FEZ2: variants seen among roughly 807,000 people sequenced by gnomAD.
FEZ2 encodes the protein fasciculation and elongation protein zeta 2.
A neutral mutation model predicts 40.4 loss-of-function variants in FEZ2; 51 were observed. The ratio of observed to expected loss-of-function variants is 1.26; its 90% CI spans 1.01 to 1.59. The LOEUF is 1.59. Among genes scored for constraint, FEZ2 ranks in the 40% most tolerant of loss-of-function variants. FEZ2 has a pLI of 0.00. For missense variants in FEZ2, 640 were observed against 438.3 expected (o/e 1.46, Z -4.11); for synonymous variants, 242 against 172.0 (o/e 1.41, Z -3.18).
intron 2 of FEZ2, chr2:36,590,139 G>T (rs980527012): frequency 6.6e-6 from 1 of 152,108 alleles, no homozygotes; most frequent in African/African-American, 2.4e-5. Flanking sequence ...ATGTACACAG[G>T]AGACCCCAAG....
intron 6 of FEZ2, chr2:36,557,547 C>G (rs960484233): frequency 2.6e-5 from 4 of 152,144 alleles, no homozygotes; most frequent in African/African-American, 9.7e-5. Flanking sequence ...TTGGTTCCCC[C>G]CTAATTAGCA....
At chr2:36,595,824 A>T (rs539407508) in intron 1 of FEZ2, among the ~76,000 whole-genome samples, 29 of 152,342 alleles carry the variant, frequency 1.9e-4, no homozygotes, top group Admixed American at 2.6e-4. Flanking sequence ...CATTACCACC[A>T]ACATATCATC....
At chr2:36,565,080 C>T (rs185515147) in intron 5 of FEZ2, among the ~76,000 whole-genome samples, 41 of 152,312 alleles carry the variant, frequency 2.7e-4, no homozygotes, top group Admixed American at 1.8e-3. Context: ...TGTTTGCCCT[C>T]GTCAACAATC....
At chr2:36,561,760 G>A (rs994842010) in intron 5 of FEZ2, among the ~76,000 whole-genome samples, 1 of 152,146 alleles carries the variant, frequency 6.6e-6, no homozygotes, top group Non-Finnish European at 1.5e-5. Flanking sequence ...CTCACTTGAT[G>A]GTTCCTTCCC....
At position 36,555,673 on chromosome 2, in the gene FEZ2, T is replaced by A; in HGVS notation, c.1045+10A>T. On this transcript the variant is annotated intron_variant, in intron 7 of 7. Coordinates refer to ENST00000405912, the MANE Select transcript of FEZ2 (RefSeq NM_005102.3). ...CCCAGCCATCGCACCTATACCATTA[T>A]AAAACTCACCTTTCAGAATATAATC... The A allele has an allele frequency of 9.0e-6, 14 of 1,556,876 alleles. No individual in the cohort carries two copies. The highest frequency in any genetic ancestry group is 1.2e-5 in the Non-Finnish European group (14 of 1,140,756).
intron 1 of FEZ2, among the ~76,000 whole-genome samples, chr2:36,596,305 T>C (rs1669220346): frequency 6.6e-6 from 1 of 152,232 alleles, no homozygotes; most frequent in South Asian, 2.1e-4. Flanking sequence ...TCCTACCTTA[T>C]TCCTGATAAA....
At chr2:36,592,293 C>T (rs537179206) in intron 1 of FEZ2, among the ~76,000 whole-genome samples, 2 of 151,806 alleles carry the variant, frequency 1.3e-5, no homozygotes, top group African/African-American at 4.8e-5. Context: ...TTTTAAGTTC[C>T]GGGGTACATG....
chr2:36,591,003 T>C lies in FEZ2; in HGVS notation c.275A>G (p.Asn92Ser). Residue 92 changes from asparagine to serine, a missense_variant, in exon 2 of 8, where the codon AAT becomes AGT. Coordinates refer to ENST00000405912, the MANE Select transcript of FEZ2 (RefSeq NM_005102.3). ...ATTCCCATAATTATCTGTCAGGGCATTCCAAATCCTTAAAAAGAAGAAAGC... is the reference window on the plus strand; with the variant it reads ...ATTCCCATAATTATCTGTCAGGGCACTCCAAATCCTTAAAAAGAAGAAAGC... ...RSLLQGDEIWNALTDNYGNVM... is the reference protein window; with the variant it reads ...RSLLQGDEIWSALTDNYGNVM... 1 of 1,592,562 alleles carries C rather than the reference T, an allele frequency of 6.3e-7. No homozygotes were observed. Among genetic ancestry groups the C allele is most frequent in the Non-Finnish European group, 8.6e-7 (1 of 1,160,426 alleles).
At chr2:36,582,943 A>G (rs1668794819) in intron 3 of FEZ2, among the ~76,000 whole-genome samples, 1 of 152,238 alleles carries the variant, frequency 6.6e-6, no homozygotes, top group Non-Finnish European at 1.5e-5. Context: ...TCTGGGGCAC[A>G]CAATATGTTA....
In FEZ2 at chr2:36,581,280, G is replaced by C. The variant is rs563689370; in HGVS notation, c.634+10C>G. Reference sequence around the variant, plus strand: ...GCACAGAAATCATTGATTTCAGCAGGCTCCCTTACTCTCTTCATAACTGCC... The same window carrying C: ...GCACAGAAATCATTGATTTCAGCAGCCTCCCTTACTCTCTTCATAACTGCC... On this transcript the variant is annotated intron_variant, in intron 4 of 7. Coordinates refer to ENST00000405912, the MANE Select transcript of FEZ2 (RefSeq NM_005102.3). 2.5e-6 allele frequency: 4 copies of C among 1,608,892 alleles called. No individual in the cohort carries two copies. In the South Asian group the frequency reaches 3.3e-5, roughly 13 times the overall value.
At chr2:36,557,240 CTG>C (rs1032125134) in intron 6 of FEZ2, 68 of 152,292 alleles carry the variant, frequency 4.5e-4, no homozygotes, top group African/African-American at 1.6e-3. Context: ...AACCATCCCC[CTG>C]TGTGATCTTG....
intron 2 of FEZ2, among the ~76,000 whole-genome samples, chr2:36,584,890 A>G (rs141987952): frequency 7.2e-5 from 11 of 152,302 alleles, no homozygotes; most frequent in African/African-American, 2.4e-4. Flanking sequence ...TGACTTTCCA[A>G]CATTAGGCTG....
At chr2:36,582,476 G>A (rs995027276) in intron 3 of FEZ2, among the ~76,000 whole-genome samples, 3 of 152,104 alleles carry the variant, frequency 2.0e-5, no homozygotes, top group East Asian at 3.9e-4. Flanking sequence ...GAGAGTTTAC[G>A]GTATTAGGCA....
In FEZ2 at chr2:36,552,570, G is replaced by T. The variant is rs1372325656; in HGVS notation, c.*593C>A. 4.5e-5 allele frequency: 11 copies of T among 242,066 alleles called. No individual in the cohort carries two copies. The highest frequency in any genetic ancestry group is 9.0e-5 in the Non-Finnish European group (11 of 122,134). 15.0% of individuals were successfully genotyped at this position (242,066 alleles called of 1,614,324 possible). A position where few individuals can be genotyped will look rare whatever the true frequency, so the allele number is the denominator to read the frequency against. ...ATTTAATGGTTAAAATTTGACCAGTGGTGAAACAAGCAGCAAGCTACAAAA... is the reference window on the plus strand; with the variant it reads ...ATTTAATGGTTAAAATTTGACCAGTTGTGAAACAAGCAGCAAGCTACAAAA... On this transcript the variant is annotated 3_prime_UTR_variant, in exon 8 of 8. Transcript: ENST00000405912.
Position 36,595,580 on chromosome 2 carries a change from G to A in FEZ2, c.266+2297C>T, listed in dbSNP as rs745425230. On this transcript the variant is annotated intron_variant, in intron 1 of 7. Coordinates refer to ENST00000405912, the MANE Select transcript of FEZ2 (RefSeq NM_005102.3). ...TCAGCCACTCACCTCCTGTAGTGTG[G>A]CCCAGTTCCAGTACCGGTCTGTGGA... Among the ~76,000 whole-genome samples the A allele has an allele frequency of 2.6e-5, 4 of 152,250 alleles. No homozygotes were observed. In the South Asian group the frequency reaches 8.3e-4, roughly 32 times the overall value.
chr2:36,569,096 A>G (rs1196181352), intron 5 of FEZ2, among the ~76,000 whole-genome samples: 1 of 152,210 alleles, frequency 6.6e-6, no homozygotes, highest in Non-Finnish European at 1.5e-5. Flanking sequence ...GTCCCTGTTA[A>G]GCTTTTGTTT....
At chr2:36,557,232 C>T (rs1358317833) in intron 6 of FEZ2, 2 of 152,156 alleles carry the variant, frequency 1.3e-5, no homozygotes, top group African/African-American at 4.8e-5. Flanking sequence ...CTGTAACTAA[C>T]CATCCCCCTG....
chr2:36,554,285 TA>T (rs1399753779), intron 7 of FEZ2: 6 of 471,130 alleles, frequency 1.3e-5, no homozygotes, highest in Non-Finnish European at 2.6e-5. Flanking sequence ...AGTAAAGAAT[TA>T]AAAATCATTT....
At chr2:36,560,860 G>A (rs2125221058) in intron 5 of FEZ2, 1 of 1,607,250 alleles carries the variant, frequency 6.2e-7, no homozygotes, top group East Asian at 2.2e-5. Context: ...CTTCCATGCT[G>A]AAGCGCTAAA....
Sources: gnomAD v4.1 joint callset for allele counts (sites outside exome capture counted in the v4.1 genomes callset) on GRCh38, gnomAD v4.1.1 for gene constraint, MANE v1.5 for transcripts, NCBI Gene and HGNC (gene_info 2026-07-23, HGNC 2026-07-21) for gene names.